The following NCKAP5 variants were observed in gnomAD, a reference collection of about 807,000 sequenced individuals.
NCKAP5 encodes the protein nck-associated protein 5.
In NCKAP5, 92 loss-of-function variants were observed where a neutral mutation model predicts 167.0. The observed-to-expected ratio is 0.55, with a 90% confidence interval of 0.47 to 0.66. NCKAP5 has a LOEUF of 0.66. Ranked by LOEUF, NCKAP5 falls within the 30% of genes least tolerant of loss-of-function variation. NCKAP5 has a pLI of 0.00. For synonymous variants in NCKAP5, 891 were observed against 877.4 expected (o/e 1.02, Z -0.27); for missense variants, 2,378 against 2,315.0 (o/e 1.03, Z -0.56).
chr2:132,704,845 A>G (rs1688206288), intron 19 of NCKAP5, among the ~76,000 whole-genome samples: 1 of 152,200 alleles, frequency 6.6e-6, no homozygotes, highest in Non-Finnish European at 1.5e-5. Flanking sequence ...GGATGTAGAT[A>G]AATACACAAC....
intron 6 of NCKAP5, among the ~76,000 whole-genome samples, chr2:133,027,352 T>TTGG (rs2078732935): frequency 6.6e-6 from 1 of 152,216 alleles, no homozygotes; most frequent in Non-Finnish European, 1.5e-5. Context: ...AAACAATTTA[T>TTGG]TGGTACCTAT....
chr2:133,427,847 T>G (rs551972613), intron 3 of NCKAP5, among the ~76,000 whole-genome samples: 2 of 152,002 alleles, frequency 1.3e-5, no homozygotes, highest in Admixed American at 6.6e-5. Context: ...TTATACTATA[T>G]AGTAACAGAA....
At chr2:133,507,468 C>T (rs188051604) in intron 3 of NCKAP5, among the ~76,000 whole-genome samples, 340 of 152,260 alleles carry the variant, frequency 2.2e-3, no homozygotes, top group African/African-American at 7.7e-3. Context: ...GGGGCATATT[C>T]GGAAATGGAC....
intron 16 of NCKAP5, among the ~76,000 whole-genome samples, chr2:132,738,618 C>A (rs2105554414): frequency 6.6e-6 from 1 of 152,308 alleles, no homozygotes; most frequent in African/African-American, 2.4e-5. Context: ...ACTTCATTGA[C>A]TATTGCCTTA....
chr2:133,477,899 A>T (rs1454405853), intron 3 of NCKAP5, among the ~76,000 whole-genome samples: 1 of 152,020 alleles, frequency 6.6e-6, no homozygotes. Flanking sequence ...GCAATTTAAA[A>T]CCTATGAATT....
the NCKAP5 span, among the ~76,000 whole-genome samples, chr2:133,610,150 T>C: frequency 6.6e-6 from 1 of 152,198 alleles, no homozygotes; most frequent in Admixed American, 6.5e-5. Context: ...TGCTCTTAGA[T>C]CATCTTTTTC....
chr2:133,164,976 T>C (rs919837195), intron 5 of NCKAP5, among the ~76,000 whole-genome samples: 2 of 152,150 alleles, frequency 1.3e-5, no homozygotes, highest in African/African-American at 4.8e-5. Context: ...TAACACAAAG[T>C]GTTGGCAAAG....
intron 11 of NCKAP5, among the ~76,000 whole-genome samples, chr2:132,839,184 T>C (rs1381263905): frequency 1.3e-5 from 2 of 152,218 alleles, no homozygotes; most frequent in African/African-American, 4.8e-5. Context: ...TCAAAAATCA[T>C]ACAAAGTTTT....
chr2:133,196,497 A>G (rs1172403734), intron 5 of NCKAP5, among the ~76,000 whole-genome samples: 1 of 152,214 alleles, frequency 6.6e-6, no homozygotes, highest in African/African-American at 2.4e-5. Flanking sequence ...AAGAGCACTA[A>G]GGTAGAAAGG....
At chr2:133,589,203 T>C in the NCKAP5 span, among the ~76,000 whole-genome samples, 9 of 152,204 alleles carry the variant, frequency 5.9e-5, no homozygotes, top group Non-Finnish European at 1.2e-4. Context: ...GACATGGCTC[T>C]GGCCATACAA....
At chr2:133,395,698 T>G (rs966873419) in intron 3 of NCKAP5, among the ~76,000 whole-genome samples, 7 of 152,126 alleles carry the variant, frequency 4.6e-5, no homozygotes, top group Non-Finnish European at 8.8e-5. Context: ...CAGGCTGGAG[T>G]GCAATGGTGT....
intron 3 of NCKAP5, among the ~76,000 whole-genome samples, chr2:133,435,072 A>G (rs1020525925): frequency 1.3e-5 from 2 of 152,236 alleles, no homozygotes; most frequent in Non-Finnish European, 2.9e-5. Context: ...CTTCACTGAT[A>G]AGGCCATGAC....
chr2:133,007,714 C>T (rs1406527754), intron 6 of NCKAP5, among the ~76,000 whole-genome samples: 1 of 152,144 alleles, frequency 6.6e-6, no homozygotes, highest in East Asian at 1.9e-4. Context: ...ATTAACAACA[C>T]CCCTTTCAGT....
intron 5 of NCKAP5, among the ~76,000 whole-genome samples, chr2:133,134,637 A>G (rs2082724177): frequency 6.6e-6 from 1 of 152,252 alleles, no homozygotes; most frequent in Admixed American, 6.5e-5. Flanking sequence ...AAAGAGAAAG[A>G]CAGGTATTTC....
intron 19 of NCKAP5, among the ~76,000 whole-genome samples, chr2:132,710,124 A>T (rs537432618): frequency 6.6e-6 from 1 of 152,176 alleles, no homozygotes; most frequent in Admixed American, 6.5e-5. Flanking sequence ...AAACCATATG[A>T]TCATCCCAAA....
intron 8 of NCKAP5, among the ~76,000 whole-genome samples, chr2:132,951,708 A>G (rs1408322981): frequency 6.6e-6 from 1 of 152,184 alleles, no homozygotes; most frequent in Non-Finnish European, 1.5e-5. Flanking sequence ...CTATATAACA[A>G]GGGCATTTTT....
intron 6 of NCKAP5, among the ~76,000 whole-genome samples, chr2:133,100,535 G>T (rs2149676743): frequency 6.6e-6 from 1 of 152,204 alleles, no homozygotes; most frequent in East Asian, 1.9e-4. Flanking sequence ...ATGTCACCTA[G>T]GTCTTTTCCA....
intron 3 of NCKAP5, among the ~76,000 whole-genome samples, chr2:133,486,186 C>CA (rs1260420132): frequency 6.6e-6 from 1 of 152,220 alleles, no homozygotes; most frequent in Non-Finnish European, 1.5e-5. Flanking sequence ...GGTCTCTGCT[C>CA]ACTCTGTATA....
chr2:132,749,611 G>A (rs188041477), intron 16 of NCKAP5, among the ~76,000 whole-genome samples: 14 of 152,218 alleles, frequency 9.2e-5, no homozygotes, highest in Middle Eastern at 3.4e-3. Flanking sequence ...CCTTTGGCTC[G>A]TCCTACCTGT....
Sources: allele counts gnomAD v4.1 joint callset (sites outside exome capture counted in the v4.1 genomes callset), GRCh38; gene constraint gnomAD v4.1.1; transcripts MANE v1.5; gene names NCBI Gene and HGNC (gene_info 2026-07-23, HGNC 2026-07-21).